FYN: variants seen among roughly 807,000 people sequenced by gnomAD.
The protein encoded by FYN is FYN proto-oncogene, Src family tyrosine kinase.
Under a neutral mutation model 70.2 loss-of-function variants are expected in FYN, and 10 were observed. That is an observed-to-expected ratio of 0.14 (90% confidence interval 0.09 to 0.24). The LOEUF is 0.24. FYN is among the 10% of genes least tolerant of loss of function. The pLI is 1.00. For missense variants in FYN, 319 were observed against 673.1 expected, an observed-to-expected ratio of 0.47 and a Z score of 5.82; for synonymous variants, 236 against 248.6, an observed-to-expected ratio of 0.95 and a Z score of 0.48.
intron 3 of FYN, among the ~76,000 whole-genome samples, chr6:111,764,875 C>T (rs1803165308): frequency 6.6e-6 from 1 of 152,182 alleles, no homozygotes; most frequent in Non-Finnish European, 1.5e-5. Flanking sequence ...TCCTTCCCTT[C>T]CCTGCTGTGG....
chr6:111,746,433 T>C (rs2128483239), intron 3 of FYN, among the ~76,000 whole-genome samples: 1 of 152,350 alleles, frequency 6.6e-6, no homozygotes, highest in East Asian at 1.9e-4. Context: ...GTATGTATTC[T>C]TTGTGTCTAC....
intron 2 of FYN, among the ~76,000 whole-genome samples, chr6:111,786,834 C>T (rs1471004194): frequency 6.6e-6 from 1 of 152,112 alleles, no homozygotes; most frequent in Non-Finnish European, 1.5e-5. Flanking sequence ...AGCATTTTTT[C>T]ATGTGTCTGT....
intron 12 of FYN, among the ~76,000 whole-genome samples, chr6:111,682,363 C>T (rs1036017975): frequency 3.3e-5 from 5 of 152,186 alleles, no homozygotes; most frequent in Admixed American, 6.5e-5. Flanking sequence ...CAGGATGGCC[C>T]ATCCCAAGCC....
chr6:111,724,177 G>A (rs1801083063), intron 3 of FYN, among the ~76,000 whole-genome samples: 1 of 152,140 alleles, frequency 6.6e-6, no homozygotes, highest in African/African-American at 2.4e-5. Context: ...GGGAAGAATT[G>A]CCGGACACAG....
chr6:111,858,142 G>GGGAACTGGGAA (rs1357645031), intron 1 of FYN: 2 of 152,188 alleles, frequency 1.3e-5, no homozygotes, highest in African/African-American at 4.8e-5. Context: ...ACAGGTTTTG[G>GGGAACTGGGAA]GGAACTGGGA....
chr6:111,845,685 C>T (rs1391165234), intron 2 of FYN, among the ~76,000 whole-genome samples: 5 of 152,288 alleles, frequency 3.3e-5, no homozygotes, highest in East Asian at 1.9e-4. Context: ...GGGGCAGCCC[C>T]CAAGTGGCCA....
At chr6:111,701,474 A>G (rs1318993823) in intron 8 of FYN, among the ~76,000 whole-genome samples, 1 of 152,216 alleles carries the variant, frequency 6.6e-6, no homozygotes, top group Non-Finnish European at 1.5e-5. Flanking sequence ...TTTATGTGTC[A>G]GCATTTCAAA....
chr6:111,782,000 C>T (rs1771192345), intron 2 of FYN, among the ~76,000 whole-genome samples: 2 of 152,046 alleles, frequency 1.3e-5, no homozygotes, highest in African/African-American at 2.4e-5. Context: ...AGGAAATGTA[C>T]GATTTCAGAT....
intron 1 of FYN, among the ~76,000 whole-genome samples, chr6:111,868,659 A>G (rs1774183112): frequency 6.6e-6 from 1 of 152,196 alleles, no homozygotes; most frequent in Admixed American, 6.5e-5. Context: ...CATTATATGT[A>G]GTATTTTGAA....
intron 13 of FYN, among the ~76,000 whole-genome samples, chr6:111,664,221 A>G (rs984727778): frequency 2.0e-5 from 3 of 152,072 alleles, no homozygotes; most frequent in Non-Finnish European, 4.4e-5. Flanking sequence ...ACCAGCAGAA[A>G]TCTCCCTTGT....
At chr6:111,712,848 A>G (rs1179899978) in intron 5 of FYN, among the ~76,000 whole-genome samples, 1 of 152,140 alleles carries the variant, frequency 6.6e-6, no homozygotes, top group African/African-American at 2.4e-5. Flanking sequence ...AATTCAGCAA[A>G]CTGTATACTT....
intron 2 of FYN, among the ~76,000 whole-genome samples, chr6:111,826,813 G>A (rs1583474724): frequency 2.0e-5 from 3 of 152,258 alleles, no homozygotes; most frequent in African/African-American, 4.8e-5. Context: ...GCCATGTACC[G>A]AAAACAGTGC....
intron 3 of FYN, among the ~76,000 whole-genome samples, chr6:111,761,715 T>C (rs1156439122): frequency 1.3e-5 from 2 of 151,546 alleles, no homozygotes; most frequent in African/African-American, 2.4e-5. Flanking sequence ...CACTGAAGGG[T>C]GGAGTGGATG....
At chr6:111,696,163 A>G in intron 10 of FYN, 114 bp downstream of exon 10, 1 of 899,350 alleles carries the variant, frequency 1.1e-6, no homozygotes, top group Non-Finnish European at 1.6e-6. Context: ...TCCTAATGGG[A>G]ATACTTGACC....
chr6:111,852,344 G>GGT (rs1184591619), intron 1 of FYN, among the ~76,000 whole-genome samples: 2 of 152,108 alleles, frequency 1.3e-5, no homozygotes, highest in African/African-American at 4.8e-5. Flanking sequence ...AGAGGATGAG[G>GGT]GTGTGACCAG....
intron 3 of FYN, among the ~76,000 whole-genome samples, chr6:111,764,689 G>A (rs912617649): frequency 6.6e-5 from 10 of 152,060 alleles, no homozygotes; most frequent in East Asian, 1.9e-4. Context: ...ATTCTCCCAC[G>A]TCACTTATCA....
intron 13 of FYN, among the ~76,000 whole-genome samples, chr6:111,662,723 GC>G (rs1347696658): frequency 6.6e-6 from 1 of 152,158 alleles, no homozygotes; most frequent in Non-Finnish European, 1.5e-5. Context: ...TTTTCTTCAT[GC>G]CTGGGCAAAC....
intron 1 of FYN, among the ~76,000 whole-genome samples, chr6:111,870,064 C>T (rs553966167): frequency 1.3e-5 from 2 of 152,262 alleles, no homozygotes; most frequent in African/African-American, 2.4e-5. Flanking sequence ...CAAAGCTGTT[C>T]AATAAAAATA....
chr6:111,773,033 A>G (rs908175157), intron 3 of FYN, among the ~76,000 whole-genome samples: 1 of 151,220 alleles, frequency 6.6e-6, no homozygotes, highest in Non-Finnish European at 1.5e-5. Flanking sequence ...AAATATTTAG[A>G]GGTAAAGTGT....
Sources: gnomAD v4.1 joint callset for allele counts (sites outside exome capture counted in the v4.1 genomes callset) on GRCh38, gnomAD v4.1.1 for gene constraint, MANE v1.5 for transcripts, NCBI Gene and HGNC (gene_info 2026-07-23, HGNC 2026-07-21) for gene names.